CYTH3: variants seen among roughly 807,000 people sequenced by gnomAD.
CYTH3 encodes the protein cytohesin-3.
Under a neutral mutation model 55.1 loss-of-function variants are expected in CYTH3, and 23 were observed. The observed-to-expected ratio is 0.42, with a 90% CI of 0.30 to 0.59. The LOEUF is 0.59. Among genes scored for constraint, CYTH3 ranks in the 20% least tolerant of loss-of-function variants. The pLI is 0.20. For synonymous variants in CYTH3, 249 were observed against 194.9 expected (o/e 1.28, Z -2.31); for missense variants, 413 against 524.8 (o/e 0.79, Z 2.08).
chr7:6,164,916 T>C lies in CYTH3; in HGVS notation c.*28A>G, dbSNP rs1407415231. On this transcript the variant is annotated 3_prime_UTR_variant, in exon 13 of 13. Transcript: ENST00000350796. ...GGTGTCTTTCTGCTGGGGTTGGGTC[T>C]TTTACCTGGGTCTTTTAGCCAGGAA... The C allele has an allele frequency of 1.9e-6, 3 of 1,613,898 alleles. No individual in the cohort carries two copies. The African/African-American group carries it at 4.0e-5, about 22-fold the overall frequency.
intron 1 of CYTH3, among the ~76,000 whole-genome samples, chr7:6,224,437 C>T (rs997873798): frequency 2.6e-5 from 4 of 152,146 alleles, no homozygotes; most frequent in East Asian, 1.9e-4. Flanking sequence ...ACTGGACATC[C>T]GCATGCAAAA....
In CYTH3 at chr7:6,171,466, G is replaced by A. The variant is rs566463300; in HGVS notation, c.450-152C>T. The A allele has an allele frequency of 4.7e-6, 3 of 638,220 alleles. No individual in the cohort carries two copies. The highest frequency in any genetic ancestry group is 1.8e-5 in the African/African-American group (1 of 54,716). 39.5% of individuals were successfully genotyped at this position (638,220 alleles called of 1,614,324 possible). On this transcript the variant is annotated intron_variant, in intron 6 of 12. Coordinates refer to ENST00000350796, the MANE Select transcript of CYTH3 (RefSeq NM_004227.4). The surrounding 1 kb of genome is among the most constrained non-coding windows in gnomAD (Gnocchi z 6.7). Reference sequence around the variant, plus strand: ...CTTGGGGGCGCAGAGACAGAAAGGAGAAGACCCAGGACAGTCTCCTTCCGT... The same window carrying A: ...CTTGGGGGCGCAGAGACAGAAAGGAAAAGACCCAGGACAGTCTCCTTCCGT...
In CYTH3 at chr7:6,259,792, T is replaced by TATATA. The variant is rs1554255113; in HGVS notation, c.34+12677_34+12681dup. On this transcript the variant is annotated intron_variant, in intron 1 of 12. Coordinates refer to ENST00000350796, the MANE Select transcript of CYTH3 (RefSeq NM_004227.4). ...ATATATTATATATATATAATATATA[T>TATATA]ATATATATATATATATATATAATAT... Among the ~76,000 whole-genome samples the TATATA allele has an allele frequency of 1.5e-3, 23 of 15,000 alleles. 1 individual carries two copies. The highest frequency in any genetic ancestry group is 9.7e-3 in the East Asian group (3 of 308). 9.8% of individuals were successfully genotyped at this position (15,000 alleles called of 152,430 possible).
At chr7:6,179,686 CCCCCCACACACACACCCCACACACA>C (rs1783434865) in intron 4 of CYTH3, among the ~76,000 whole-genome samples, 1 of 89,114 alleles carries the variant, frequency 1.1e-5, no homozygotes, top group African/African-American at 5.5e-5. Context: ...CCACACACAC[CCCCCCACACACACACCCCACACACA>C]CCCCACACAC....
At position 6,165,180 on chromosome 7, in the gene CYTH3, T is replaced by C. The variant is rs565324688; in HGVS notation, c.1127+93A>G. The stretch of plus-strand genomic sequence containing the variant: ...GTTTCTGGAGACAGAAGGTCCACTC[T>C]TGCACACGGAAGCATCCATGTTCCA... On this transcript the variant is annotated intron_variant, in intron 12 of 12. Transcript: ENST00000350796. 5 of 1,561,330 alleles carry C rather than the reference T, an allele frequency of 3.2e-6. No homozygotes were observed. In the African/African-American group the frequency reaches 6.8e-5, roughly 21 times the overall value.
At chr7:6,272,384 GA>G in intron 1 of CYTH3, 89 bp downstream of exon 1, 1 of 1,174,650 alleles carries the variant, frequency 8.5e-7, no homozygotes, top group Non-Finnish European at 1.1e-6. Flanking sequence ...CTCCTCCGGC[GA>G]ACCCCGGCCC....
chr7:6,265,649 T>C (rs558918417), intron 1 of CYTH3, among the ~76,000 whole-genome samples: 1 of 150,314 alleles, frequency 6.7e-6, no homozygotes, highest in African/African-American at 2.5e-5. Flanking sequence ...GAAGAAGAAC[T>C]TGCAGCCCCT....
chr7:6,222,176 T>C (rs1473325000), intron 1 of CYTH3, among the ~76,000 whole-genome samples: 1 of 151,858 alleles, frequency 6.6e-6, no homozygotes, highest in East Asian at 1.9e-4. Context: ...AGCCTCTGAG[T>C]GAGATGTGAT....
intron 1 of CYTH3, among the ~76,000 whole-genome samples, chr7:6,202,468 T>A (rs994026515): frequency 1.3e-5 from 2 of 150,982 alleles, no homozygotes; most frequent in Non-Finnish European, 3.0e-5. Context: ...TTTTTTTTTT[T>A]TTTTTTTTTT....
chr7:6,247,336 T>C (rs192600297), intron 1 of CYTH3, among the ~76,000 whole-genome samples: 4 of 152,338 alleles, frequency 2.6e-5, no homozygotes, highest in Admixed American at 2.6e-4. Flanking sequence ...ACTGGCTGTT[T>C]GCAGGGTACT....
chr7:6,185,665 A>T (rs1583758077), intron 4 of CYTH3, among the ~76,000 whole-genome samples: 1 of 150,118 alleles, frequency 6.7e-6, no homozygotes, highest in South Asian at 2.1e-4. Flanking sequence ...GCACCACTGC[A>T]CTCCAGCCTG....
At chr7:6,184,971 T>C (rs1257041385) in intron 4 of CYTH3, among the ~76,000 whole-genome samples, 2 of 152,234 alleles carry the variant, frequency 1.3e-5, no homozygotes, top group Non-Finnish European at 2.9e-5. Context: ...TGCCCTGTGC[T>C]GCACTACTTG....
chr7:6,215,521 C>T (rs1440428622), intron 1 of CYTH3, among the ~76,000 whole-genome samples: 4 of 146,540 alleles, frequency 2.7e-5, no homozygotes, highest in South Asian at 4.3e-4. Context: ...ACCCAGGAGG[C>T]GGAGCTTGCA....
intron 1 of CYTH3, among the ~76,000 whole-genome samples, chr7:6,206,183 C>A (rs1784183696): frequency 6.6e-6 from 1 of 152,140 alleles, no homozygotes; most frequent in African/African-American, 2.4e-5. Context: ...ACACTATTCA[C>A]AAATAGCCCA....
Position 6,264,185 on chromosome 7 carries a change from T to G in CYTH3, c.34+8289A>C, listed in dbSNP as rs572852137. ...TCGCTTGAATCCAGGAAGCGGAGGT[T>G]GCAGTGAGCCAAGATGGCTCCATTG... On this transcript the variant is annotated intron_variant, in intron 1 of 12. Coordinates refer to ENST00000350796, the MANE Select transcript of CYTH3 (RefSeq NM_004227.4). Among the ~76,000 whole-genome samples, 6 of 151,626 alleles carry G rather than the reference T, an allele frequency of 4.0e-5. No individual in the cohort carries two copies. In the South Asian group the frequency reaches 1.3e-3, roughly 32 times the overall value.
chr7:6,195,431 T>C lies in CYTH3; in HGVS notation c.35-4900A>G, dbSNP rs149980301. On this transcript the variant is annotated intron_variant, in intron 1 of 12. Transcript: ENST00000350796. The stretch of plus-strand genomic sequence containing the variant: ...TTCCTGTATTAGATCTAAGTGTCGA[T>C]AAATTCCACACTGTGGTTTTCTTTT... Among the ~76,000 whole-genome samples, 21 of 152,328 alleles carry C rather than the reference T, an allele frequency of 1.4e-4. 1 individual carries two copies. The East Asian group carries it at 4.0e-3, about 29-fold the overall frequency.
chr7:6,254,700 T>C (rs1377718269), intron 1 of CYTH3, among the ~76,000 whole-genome samples: 2 of 152,238 alleles, frequency 1.3e-5, no homozygotes, highest in Non-Finnish European at 2.9e-5. Flanking sequence ...TCTGCGCACC[T>C]TGGCCTCCCA....
Position 6,163,537 on chromosome 7 carries a change from G to C in CYTH3, c.*1407C>G, listed in dbSNP as rs1782901235. 1 of 152,438 alleles carries C rather than the reference G, an allele frequency of 6.6e-6. No individual in the cohort carries two copies. Among genetic ancestry groups the C allele is most frequent in the African/African-American group, 2.4e-5 (1 of 41,454 alleles). 9.4% of individuals were successfully genotyped at this position (152,438 alleles called of 1,614,324 possible). ...CACACAATGCCCCCGGTCCAGCCCT[G>C]AGCCCTCTCTGTAGGTGGGGCCCAG... is the stretch of plus-strand genomic sequence containing the variant. On this transcript the variant is annotated 3_prime_UTR_variant, in exon 13 of 13. Transcript: ENST00000350796.
At chr7:6,203,804 C>T (rs1194704795) in intron 1 of CYTH3, among the ~76,000 whole-genome samples, 8 of 151,918 alleles carry the variant, frequency 5.3e-5, no homozygotes, top group African/African-American at 1.5e-4. Flanking sequence ...CTGCAAGCTC[C>T]GCCTCCTGGG....
Sources: allele counts gnomAD v4.1 joint callset (sites outside exome capture counted in the v4.1 genomes callset), GRCh38; gene constraint gnomAD v4.1.1; non-coding constraint Gnocchi (gnomAD v3.1); transcripts MANE v1.5; gene names NCBI Gene and HGNC (gene_info 2026-07-23, HGNC 2026-07-21).